Variants in ARHGAP8 observed in about 807,000 individuals in gnomAD.
ARHGAP8 encodes rho GTPase-activating protein 8.
In ARHGAP8, 62 loss-of-function variants were observed where a neutral mutation model predicts 46.1. The ratio of observed to expected loss-of-function variants is 1.34; its 90% CI spans 1.10 to 1.66. The LOEUF (loss-of-function observed/expected upper bound fraction) is 1.66. Among genes scored for constraint, ARHGAP8 ranks in the 40% most tolerant of loss-of-function variants. The probability of loss-of-function intolerance (pLI) is 0.00; values close to 1 mark genes in which losing one functional copy is unlikely to be tolerated. For missense variants in ARHGAP8, 923 were observed against 568.4 expected (o/e 1.62, Z -6.34); for synonymous variants, 375 against 243.1 (o/e 1.54, Z -5.05).
chr22:44,776,157 A>G (rs575354861), intron 1 of ARHGAP8, among the ~76,000 whole-genome samples: 1 of 152,134 alleles, frequency 6.6e-6, no homozygotes, highest in Admixed American at 6.5e-5. Context: ...CCTCATTAAT[A>G]TGTAGGCATC....
intron 1 of ARHGAP8, among the ~76,000 whole-genome samples, chr22:44,760,268 G>A (rs1212880170): frequency 2.0e-5 from 3 of 152,174 alleles, no homozygotes; most frequent in South Asian, 4.1e-4. Context: ...AGACAAAAGA[G>A]TGGAAGTTAC....
At chr22:44,813,727 A>G (rs1259211032) in intron 4 of ARHGAP8, among the ~76,000 whole-genome samples, 1 of 131,524 alleles carries the variant, frequency 7.6e-6, no homozygotes, top group Non-Finnish European at 1.6e-5. Flanking sequence ...ACTTTCATAC[A>G]CTTACACCTA....
chr22:44,777,404 A>C (rs1459587392), intron 1 of ARHGAP8, among the ~76,000 whole-genome samples: 1 of 151,864 alleles, frequency 6.6e-6, no homozygotes, highest in Non-Finnish European at 1.5e-5. Context: ...CCCAACAATA[A>C]AATCTCATGA....
chr22:44,855,543 G>A (rs5766113), intron 10 of ARHGAP8, among the ~76,000 whole-genome samples: 62,745 of 152,074 alleles, frequency 0.41, 13,295 homozygotes, highest in East Asian at 0.65. Flanking sequence ...GTTGTTATCA[G>A]TATTTCAGGA....
chr22:44,845,583 G>T (rs1314975942), intron 8 of ARHGAP8, among the ~76,000 whole-genome samples: 1 of 152,130 alleles, frequency 6.6e-6, no homozygotes, highest in East Asian at 1.9e-4. Flanking sequence ...CCATTCCCTT[G>T]TCTGTCCAGT....
intron 4 of ARHGAP8, among the ~76,000 whole-genome samples, chr22:44,812,605 T>C (rs1886831446): frequency 6.6e-6 from 1 of 152,102 alleles, no homozygotes; most frequent in Admixed American, 6.6e-5. Flanking sequence ...TCCGCCCGCC[T>C]CAGCCTCCCA....
At chr22:44,862,212 G>A (rs1569190926) in intron 11 of ARHGAP8, 63 bp from the exon 12 acceptor site, 5 of 1,530,212 alleles carry the variant, frequency 3.3e-6, no homozygotes, top group East Asian at 4.5e-5. Flanking sequence ...GTTCGGGAGG[G>A]AGTTCCAGGT....
chr22:44,855,905 G>C (rs1004681888), intron 10 of ARHGAP8, among the ~76,000 whole-genome samples: 1 of 152,172 alleles, frequency 6.6e-6, no homozygotes, highest in Non-Finnish European at 1.5e-5. Flanking sequence ...TTTATAGGAA[G>C]CACGGTGTTG....
chr22:44,789,768 T>C (rs1927528996), intron 2 of ARHGAP8, among the ~76,000 whole-genome samples: 1 of 152,188 alleles, frequency 6.6e-6, no homozygotes, highest in Non-Finnish European at 1.5e-5. Flanking sequence ...CCCAAAGTGC[T>C]GGGATTATAG....
At chr22:44,819,534 G>T (rs567076015) in intron 5 of ARHGAP8, among the ~76,000 whole-genome samples, 1 of 152,288 alleles carries the variant, frequency 6.6e-6, no homozygotes, top group South Asian at 2.1e-4. Flanking sequence ...TTAGCGGGGA[G>T]TGGTGGCAGG....
chr22:44,793,429 G>A (rs1195360457), intron 2 of ARHGAP8, among the ~76,000 whole-genome samples: 2 of 152,174 alleles, frequency 1.3e-5, no homozygotes, highest in East Asian at 3.9e-4. Context: ...GGATCTTTTG[G>A]CACACAACCC....
intron 3 of ARHGAP8, among the ~76,000 whole-genome samples, chr22:44,804,359 T>C (rs972176099): frequency 2.0e-5 from 3 of 151,918 alleles, no homozygotes; most frequent in Non-Finnish European, 1.5e-5. Context: ...GAGCAGCACC[T>C]CTGCTGGAAT....
Position 44,793,235 on chromosome 22 carries a change from CAG to C in ARHGAP8, c.79+6632_79+6633del, listed in dbSNP as rs549863108. ...TGGTCTGGGGCTGAGGCTGGGAGCTCAGAGTGGAGATCCATCAGGTGGTGTGA... is the reference window on the plus strand; with the variant it reads ...TGGTCTGGGGCTGAGGCTGGGAGCTCAGTGGAGATCCATCAGGTGGTGTGA... On this transcript the variant is annotated intron_variant, in intron 2 of 11. Transcript: ENST00000356099. 1.4e-3 allele frequency among the ~76,000 whole-genome samples: 207 copies of C among 152,228 alleles called. 1 individual carries two copies. The highest frequency in any genetic ancestry group is 3.3e-3 in the Admixed American group (51 of 15,288).
At position 44,847,974 on chromosome 22, in the gene ARHGAP8, C is replaced by T. The variant is rs776120845; in HGVS notation, c.672C>T (p.Gly224=). ...RFTVTYLREK[G]LRTEGLFRRS... is the part of the protein sequence containing the mutation. ...TGCCTGGAAGCTCCTCTCCTGCAGGCCTGCGCACCGAGGGCCTGTTCCGGA... is the reference window on the plus strand; with the variant it reads ...TGCCTGGAAGCTCCTCTCCTGCAGGTCTGCGCACCGAGGGCCTGTTCCGGA... The change falls in exon 9 of 12, where the codon GGC becomes GGT. Residue 224 remains glycine, a splice_region_variant and synonymous_variant. Coordinates refer to ENST00000356099, the MANE Select transcript of ARHGAP8 (RefSeq NM_181335.3). 1 of 1,607,240 alleles carries T rather than the reference C, an allele frequency of 6.2e-7. No individual in the cohort carries two copies. The highest frequency in any genetic ancestry group is 8.5e-7 in the Non-Finnish European group (1 of 1,179,902).
At chr22:44,785,575 A>T (rs1927157380) in intron 1 of ARHGAP8, among the ~76,000 whole-genome samples, 1 of 151,904 alleles carries the variant, frequency 6.6e-6, no homozygotes, top group Non-Finnish European at 1.5e-5. Flanking sequence ...TACATCTCCA[A>T]AGACCCGACT....
chr22:44,844,376 T>G (rs136678), intron 7 of ARHGAP8, among the ~76,000 whole-genome samples: 38,733 of 152,162 alleles, frequency 0.25, 6,068 homozygotes, highest in Non-Finnish European at 0.33. Flanking sequence ...AATAGTAGAT[T>G]CAAACCTAGC....
intron 10 of ARHGAP8, 136 bp from the exon 11 acceptor site, chr22:44,859,594 TG>T: frequency 1.2e-6 from 1 of 844,940 alleles, no homozygotes; most frequent in Non-Finnish European, 1.9e-6. Context: ...AGAAGATAAG[TG>T]GGGGTCCCAA....
intron 1 of ARHGAP8, among the ~76,000 whole-genome samples, chr22:44,766,876 G>A (rs539228840): frequency 6.8e-6 from 1 of 147,300 alleles, no homozygotes; most frequent in South Asian, 2.4e-4. Flanking sequence ...TGAGGGAGCA[G>A]ATGACAGGGG....
At chr22:44,859,511 C>T (rs1601533022) in intron 10 of ARHGAP8, 3 of 586,896 alleles carry the variant, frequency 5.1e-6, no homozygotes, top group Admixed American at 6.0e-5. Flanking sequence ...AGTTAAACCT[C>T]TTTTCTTATA....
Sources: gnomAD v4.1 joint callset for allele counts (sites outside exome capture counted in the v4.1 genomes callset) on GRCh38, gnomAD v4.1.1 for gene constraint, MANE v1.5 for transcripts, NCBI Gene and HGNC (gene_info 2026-07-23, HGNC 2026-07-21) for gene names.